Variants in MAPK8 observed in about 807,000 individuals in gnomAD.
MAPK8 encodes the protein JUN N-terminal kinase.
Under a neutral mutation model 52.9 loss-of-function variants are expected in MAPK8, and 13 were observed. The ratio of observed to expected loss-of-function variants is 0.25; its 90% CI spans 0.16 to 0.39. The LOEUF (loss-of-function observed/expected upper bound fraction) is 0.39, where lower values mean the gene tolerates loss of function less well. Ranked by LOEUF, MAPK8 falls within the 10% of genes least tolerant of loss-of-function variation. The pLI is 1.00. For synonymous variants in MAPK8, 191 were observed against 169.8 expected (o/e 1.12, Z -0.97); for missense variants, 300 against 519.2 (o/e 0.58, Z 4.10).
At position 48,331,812 on chromosome 10, in the gene MAPK8, C is replaced by G. The variant is rs370047636; in HGVS notation, c.-50+24991C>G. Among the ~76,000 whole-genome samples, 3 of 152,128 alleles carry G rather than the reference C, an allele frequency of 2.0e-5. No individual in the cohort carries two copies. In the South Asian group the frequency reaches 6.2e-4, roughly 31 times the overall value. On this transcript the variant is annotated intron_variant, in intron 1 of 11. Coordinates refer to ENST00000374189, the MANE Select transcript of MAPK8 (RefSeq NM_001323329.2). Reference sequence around the variant, plus strand: ...TAGCTCTGCCCAAATATGGGTGCCCCTATAATAACTCATAGGGGGATAATC... The same window carrying G: ...TAGCTCTGCCCAAATATGGGTGCCCGTATAATAACTCATAGGGGGATAATC...
chr10:48,395,524 G>T (rs1460233683), intron 1 of MAPK8, among the ~76,000 whole-genome samples: 1 of 151,918 alleles, frequency 6.6e-6, no homozygotes, highest in Non-Finnish European at 1.5e-5. Flanking sequence ...AACTGTGAAA[G>T]AAAAAATAAA....
At chr10:48,354,009 T>TAC (rs1163250862) in intron 1 of MAPK8, among the ~76,000 whole-genome samples, 1 of 152,202 alleles carries the variant, frequency 6.6e-6, no homozygotes. Flanking sequence ...TACATAGCTA[T>TAC]ACACACACAC....
At chr10:48,391,835 G>A (rs1041305414) in intron 1 of MAPK8, among the ~76,000 whole-genome samples, 1 of 152,150 alleles carries the variant, frequency 6.6e-6, no homozygotes, top group South Asian at 2.1e-4. Context: ...ATTTGCTAGA[G>A]CAGCTTTACA....
intron 6 of MAPK8, among the ~76,000 whole-genome samples, chr10:48,420,666 T>C (rs931668863): frequency 6.6e-6 from 1 of 152,160 alleles, no homozygotes; most frequent in Non-Finnish European, 1.5e-5. Context: ...TGACAGTTTA[T>C]TATTAGTGTA....
chr10:48,335,737 G>A (rs937550044), intron 1 of MAPK8, among the ~76,000 whole-genome samples: 1 of 152,142 alleles, frequency 6.6e-6, no homozygotes, highest in Non-Finnish European at 1.5e-5. Context: ...CTGTACTTCA[G>A]TATATAGCAA....
intron 1 of MAPK8, among the ~76,000 whole-genome samples, chr10:48,336,125 A>G (rs888946406): frequency 3.9e-5 from 6 of 152,156 alleles, no homozygotes; most frequent in African/African-American, 1.4e-4. Context: ...GAATTTTTGG[A>G]AATAGTAAGA....
At chr10:48,394,023 A>G (rs1007386736) in intron 1 of MAPK8, among the ~76,000 whole-genome samples, 1 of 151,924 alleles carries the variant, frequency 6.6e-6, no homozygotes, top group Non-Finnish European at 1.5e-5. Context: ...ATTAAATTGG[A>G]CAACTTAGAT....
At chr10:48,375,545 GA>G (rs766235329) in intron 1 of MAPK8, among the ~76,000 whole-genome samples, 4 of 152,126 alleles carry the variant, frequency 2.6e-5, no homozygotes, top group Non-Finnish European at 5.9e-5. Context: ...AAAGTCTCAG[GA>G]TACAAAATCA....
At chr10:48,320,211 C>CTT (rs71026206) in intron 1 of MAPK8, among the ~76,000 whole-genome samples, 1,000 of 35,272 alleles carry the variant, frequency 0.028, 270 homozygotes, top group Admixed American at 0.11. Flanking sequence ...ACTGCTCGGC[C>CTT]TTTTTTTTTT....
intron 1 of MAPK8, among the ~76,000 whole-genome samples, chr10:48,366,972 T>C (rs533044148): frequency 6.6e-6 from 1 of 152,270 alleles, no homozygotes; most frequent in Non-Finnish European, 1.5e-5. Context: ...TTTAACTGAA[T>C]GACTAGAAGG....
At chr10:48,433,363 G>GT (rs1246123412) in intron 11 of MAPK8, among the ~76,000 whole-genome samples, 1 of 152,126 alleles carries the variant, frequency 6.6e-6, no homozygotes, top group Non-Finnish European at 1.5e-5. Context: ...GAATGTTTCA[G>GT]TACAAGTCTT....
chr10:48,358,181 T>C (rs1847163537), intron 1 of MAPK8, among the ~76,000 whole-genome samples: 1 of 152,196 alleles, frequency 6.6e-6, no homozygotes, highest in African/African-American at 2.4e-5. Context: ...TATATACCCC[T>C]GACTGGAATT....
At chr10:48,434,814 C>T in intron 11 of MAPK8, 70 bp from the exon 12 acceptor site, 1 of 1,359,412 alleles carries the variant, frequency 7.4e-7, no homozygotes, top group Non-Finnish European at 9.9e-7. Context: ...TGGAGGCAGT[C>T]AGTGCAGTGC....
At chr10:48,404,810 T>C (rs2042373299) in intron 2 of MAPK8, 42 bp from the exon 3 acceptor site, 9 of 1,536,000 alleles carry the variant, frequency 5.9e-6, no homozygotes, top group Non-Finnish European at 6.2e-6. Flanking sequence ...TACAGATTTT[T>C]GCTTGAAGTT....
chr10:48,391,363 A>G lies in MAPK8; in HGVS notation c.-49-10249A>G, dbSNP rs1225032609. On this transcript the variant is annotated intron_variant, in intron 1 of 11. Transcript: ENST00000374189. ...TATAACAAGAGTTCCTTTGTTTTTA[A>G]TCTCAGAAGCCTTCTAAGTAGGGAA... Among the ~76,000 whole-genome samples, 10 of 152,306 alleles carry G rather than the reference A, an allele frequency of 6.6e-5. No homozygotes were observed. The East Asian group carries it at 1.9e-3, about 29-fold the overall frequency.
At position 48,434,949 on chromosome 10, in the gene MAPK8, A is replaced by C. The variant is rs774869055; in HGVS notation, c.1204A>C (p.Met402Leu). The C allele has an allele frequency of 2.5e-6, 4 of 1,579,734 alleles. No homozygotes were observed. The Admixed American group carries it at 6.8e-5, about 27-fold the overall frequency. The change falls in exon 12 of 12, where the codon ATG (methionine) becomes CTG (leucine). Residue 402 changes from methionine to leucine, a missense_variant. By Grantham distance (15) the Met-to-Leu change is conservative. This residue lies in a region of MAPK8 where 119 missense variants were observed against 154.4 expected (regional missense o/e 0.77). Coordinates refer to ENST00000374189, the MANE Select transcript of MAPK8 (RefSeq NM_001323329.2). Reference protein sequence around the residue: ...SSSSVNDVSSMSTDPTLASDT... With the variant: ...SSSSVNDVSSLSTDPTLASDT... ...GTCGTCTGTCAATGATGTGTCTTCA[A>C]TGTCAACAGATCCGACTTTGGCCTC...
chr10:48,434,738 T>C (rs1292191733), intron 11 of MAPK8, 146 bp from the exon 12 acceptor site: 5 of 529,384 alleles, frequency 9.4e-6, no homozygotes, highest in Non-Finnish European at 1.6e-5. Context: ...TTTAAGTTAG[T>C]GTGTTGGATA....
At chr10:48,307,329 A>G (rs1588882301) in intron 1 of MAPK8, among the ~76,000 whole-genome samples, 1 of 152,126 alleles carries the variant, frequency 6.6e-6, no homozygotes, top group African/African-American at 2.4e-5. Flanking sequence ...TCTTTGTGCT[A>G]ACGTTCTGGG....
intron 1 of MAPK8, among the ~76,000 whole-genome samples, chr10:48,396,347 G>A (rs2041886494): frequency 6.6e-6 from 1 of 152,152 alleles, no homozygotes; most frequent in Non-Finnish European, 1.5e-5. Flanking sequence ...ATGAAAAGAT[G>A]CTCAACATGA....
Sources: gnomAD v4.1 joint callset for allele counts (sites outside exome capture counted in the v4.1 genomes callset) on GRCh38, gnomAD v4.1.1 for gene constraint, gnomAD v4.1.1 regional missense constraint, MANE v1.5 for transcripts, NCBI Gene and HGNC (gene_info 2026-07-23, HGNC 2026-07-21) for gene names.